IRGM: variants seen among roughly 807,000 people sequenced by gnomAD.
The protein encoded by IRGM is immunity-related GTPase family M protein.
For synonymous variants in IRGM, 98 were observed against 80.6 expected (o/e 1.22, Z -1.16); for missense variants, 288 against 219.9 (o/e 1.31, Z -1.96).
intron 1 of IRGM, among the ~76,000 whole-genome samples, chr5:150,873,707 G>T (rs6878395): frequency 0.032 from 4,815 of 152,240 alleles, 245 homozygotes; most frequent in African/African-American, 0.11. Context: ...TGCATAATTG[G>T]CATAGACATA....
chr5:150,871,691 C>T (rs886382295), intron 1 of IRGM, among the ~76,000 whole-genome samples: 14 of 152,168 alleles, frequency 9.2e-5, no homozygotes, highest in African/African-American at 3.4e-4. Flanking sequence ...TATTATGTTA[C>T]CTGATTTACT....
intron 3 of IRGM, chr5:150,896,878 A>G: frequency 1.2e-6 from 2 of 1,613,690 alleles, no homozygotes; most frequent in Non-Finnish European, 8.5e-7. Flanking sequence ...ATGGAGCACA[A>G]TGAACCATCC....
chr5:150,872,899 A>C (rs953180148), intron 1 of IRGM, among the ~76,000 whole-genome samples: 4 of 152,198 alleles, frequency 2.6e-5, no homozygotes, highest in African/African-American at 9.7e-5. Flanking sequence ...CATACCCTTC[A>C]CTAATACTTT....
Position 150,880,633 on chromosome 5 carries a change from G to T in IRGM, c.*140+987G>T, listed in dbSNP as rs191471923. On this transcript the variant is annotated intron_variant and NMD_transcript_variant, in intron 3 of 3. Transcript: ENST00000520549. ...AGGAAAGCCCTCCCAATGGGAACCC[G>T]CTTTTAAGTTGTCCAGAGTATACCT... Among the ~76,000 whole-genome samples the T allele has an allele frequency of 2.0e-5, 3 of 152,032 alleles. 1 individual carries two copies. Among genetic ancestry groups the T allele is most frequent in the African/African-American group, 7.2e-5 (3 of 41,380 alleles).
intron 3 of IRGM, among the ~76,000 whole-genome samples, chr5:150,898,905 T>C (rs1031735778): frequency 6.6e-6 from 1 of 152,016 alleles, no homozygotes; most frequent in Non-Finnish European, 1.5e-5. Context: ...TATTTATATG[T>C]TGAAGTCCTA....
chr5:150,885,781 C>T (rs562370326), intron 3 of IRGM, among the ~76,000 whole-genome samples: 1 of 152,164 alleles, frequency 6.6e-6, no homozygotes, highest in Non-Finnish European at 1.5e-5. Context: ...CTGAAACTTG[C>T]TAAAGTTGTT....
chr5:150,858,600 C>A lies in IRGM; in HGVS notation c.158+9946C>A, dbSNP rs566795478. On this transcript the variant is annotated intron_variant and NMD_transcript_variant, in intron 1 of 3. Coordinates refer to the IRGM transcript ENST00000520549. The stretch of plus-strand genomic sequence containing the variant: ...ATTTGTTTGTATCCTCTTTTATTTC[C>A]TTGAGCAGTGGTTTGTAGTTCTCCT... Among the ~76,000 whole-genome samples, 158 of 151,880 alleles carry A rather than the reference C, an allele frequency of 1.0e-3. 2 individuals carry two copies. The highest frequency in any genetic ancestry group is 3.6e-3 in the African/African-American group (149 of 41,414).
At chr5:150,870,170 T>C (rs1754262359) in intron 1 of IRGM, among the ~76,000 whole-genome samples, 1 of 152,174 alleles carries the variant, frequency 6.6e-6, no homozygotes, top group Non-Finnish European at 1.5e-5. Flanking sequence ...TTTTAAATTA[T>C]TATAACTAGG....
chr5:150,871,581 A>G (rs1253750482), intron 1 of IRGM, among the ~76,000 whole-genome samples: 1 of 152,188 alleles, frequency 6.6e-6, no homozygotes, highest in African/African-American at 2.4e-5. Context: ...AAAACAGAGA[A>G]GGCCCCAGAC....
intron 3 of IRGM, among the ~76,000 whole-genome samples, chr5:150,888,479 T>C (rs1455771210): frequency 6.6e-6 from 1 of 152,030 alleles, no homozygotes; most frequent in Non-Finnish European, 1.5e-5. Context: ...TCTATAGAAC[T>C]CTCCACCCAA....
At chr5:150,870,275 C>T (rs550837354) in intron 1 of IRGM, among the ~76,000 whole-genome samples, 1 of 152,118 alleles carries the variant, frequency 6.6e-6, no homozygotes, top group Non-Finnish European at 1.5e-5. Context: ...TCTAAATTAA[C>T]TGAGACCTGT....
intron 1 of IRGM, among the ~76,000 whole-genome samples, chr5:150,877,528 G>A (rs1403879849): frequency 2.6e-5 from 4 of 152,096 alleles, no homozygotes; most frequent in Non-Finnish European, 5.9e-5. Context: ...GTGATTATGT[G>A]AGTCAATACT....
At position 150,897,361 on chromosome 5, in the gene IRGM, G is replaced by A. The variant is rs369681738; in HGVS notation, c.*141-3228G>A. ...CACTCTAAAAAACAAGGTATCTTCT[G>A]TATGCAAAATACTTTAACTCTCCTC... On this transcript the variant is annotated intron_variant and NMD_transcript_variant, in intron 3 of 3. Coordinates refer to the IRGM transcript ENST00000520549. The A allele has an allele frequency of 1.8e-3, 289 of 164,874 alleles. 15 individuals are homozygous for A. The South Asian group carries it at 0.053, about 30-fold the overall frequency. 10.2% of individuals were successfully genotyped at this position (164,874 alleles called of 1,614,324 possible).
chr5:150,884,548 A>G (rs1037838255), intron 3 of IRGM, among the ~76,000 whole-genome samples: 5 of 152,062 alleles, frequency 3.3e-5, no homozygotes. Flanking sequence ...CCGTGTATAA[A>G]TGTTCTTTCT....
chr5:150,882,766 A>G (rs1398404289), intron 3 of IRGM, among the ~76,000 whole-genome samples: 3 of 152,200 alleles, frequency 2.0e-5, no homozygotes, highest in Non-Finnish European at 2.9e-5. Flanking sequence ...CAATACAAAA[A>G]TAGTAAAGGA....
intron 1 of IRGM, among the ~76,000 whole-genome samples, chr5:150,875,039 T>C (rs1289182239): frequency 6.6e-6 from 1 of 152,182 alleles, no homozygotes; most frequent in African/African-American, 2.4e-5. Flanking sequence ...TAATTGGGCT[T>C]GAGCAGGTCT....
At chr5:150,874,403 C>T (rs1162804089) in intron 1 of IRGM, among the ~76,000 whole-genome samples, 1 of 152,148 alleles carries the variant, frequency 6.6e-6, no homozygotes, top group African/African-American at 2.4e-5. Context: ...AATTCAGGGA[C>T]CTTCTACCTC....
chr5:150,849,716 C>T (rs1471115977), downstream of IRGM, among the ~76,000 whole-genome samples: 1 of 149,678 alleles, frequency 6.7e-6, no homozygotes, highest in East Asian at 2.0e-4. Flanking sequence ...AAGCGATTCT[C>T]TTGCCTCAGC....
intron 1 of IRGM, among the ~76,000 whole-genome samples, chr5:150,863,655 C>T (rs1346193746): frequency 6.6e-6 from 1 of 152,102 alleles, no homozygotes; most frequent in Non-Finnish European, 1.5e-5. Flanking sequence ...CATTCTCATT[C>T]ATATTTAATA....
Sources: allele counts gnomAD v4.1 joint callset (sites outside exome capture counted in the v4.1 genomes callset), GRCh38; gene constraint gnomAD v4.1.1; transcripts MANE v1.5; gene names NCBI Gene and HGNC (gene_info 2026-07-23, HGNC 2026-07-21).